ZFPM2: variants seen among roughly 807,000 people sequenced by gnomAD.
ZFPM2 encodes zinc finger protein ZFPM2.
In ZFPM2, 20 loss-of-function variants were observed where a neutral mutation model predicts 98.6. That is an observed-to-expected ratio of 0.20 (90% CI 0.14 to 0.29). The LOEUF is 0.29. Ranked by LOEUF, ZFPM2 falls within the 10% of genes least tolerant of loss-of-function variation. The pLI is 1.00. For synonymous variants in ZFPM2, 518 were observed against 502.7 expected (o/e 1.03, Z -0.41); for missense variants, 1,310 against 1,388.6 (o/e 0.94, Z 0.90).
intron 5 of ZFPM2, among the ~76,000 whole-genome samples, chr8:105,636,161 T>C (rs1330806011): frequency 6.6e-6 from 1 of 152,142 alleles, no homozygotes; most frequent in Non-Finnish European, 1.5e-5. Context: ...AGGTTTTGGA[T>C]TTTGGAACCA....
chr8:105,682,626 G>A (rs1810634067), intron 5 of ZFPM2, among the ~76,000 whole-genome samples: 1 of 152,124 alleles, frequency 6.6e-6, no homozygotes, highest in Non-Finnish European at 1.5e-5. Context: ...CAGGACAGAA[G>A]AACGGAAATA....
intron 6 of ZFPM2, chr8:105,795,751 C>T: frequency 2.2e-6 from 1 of 450,948 alleles, no homozygotes. Flanking sequence ...ATTTTTGTGT[C>T]ACAGAATGAC....
chr8:105,773,630 A>G (rs1322098779), intron 5 of ZFPM2, among the ~76,000 whole-genome samples: 1 of 151,558 alleles, frequency 6.6e-6, no homozygotes, highest in Admixed American at 6.6e-5. Context: ...CTAAATCATG[A>G]CATGAAAATA....
chr8:105,736,312 AT>A (rs1812072376), intron 5 of ZFPM2, among the ~76,000 whole-genome samples: 1 of 151,972 alleles, frequency 6.6e-6, no homozygotes, highest in African/African-American at 2.4e-5. Flanking sequence ...CTGTTTAGAC[AT>A]TTAGAAATAT....
chr8:105,487,507 T>A (rs987591841), intron 3 of ZFPM2, among the ~76,000 whole-genome samples: 6 of 152,220 alleles, frequency 3.9e-5, no homozygotes, highest in African/African-American at 1.4e-4. Flanking sequence ...AGAACACGAT[T>A]TACAGAATCA....
chr8:105,433,631 C>CA (rs1193220112), intron 2 of ZFPM2, among the ~76,000 whole-genome samples: 1 of 151,908 alleles, frequency 6.6e-6, no homozygotes, highest in Non-Finnish European at 1.5e-5. Context: ...ACTAAAAATA[C>CA]AAAAAATTAG....
At chr8:105,600,713 A>T (rs1283365193) in intron 4 of ZFPM2, among the ~76,000 whole-genome samples, 1 of 151,962 alleles carries the variant, frequency 6.6e-6, no homozygotes, top group Non-Finnish European at 1.5e-5. Context: ...TCATATGATG[A>T]TTATATTATT....
chr8:105,443,312 C>CAAAAAAAAAAAAAAAAAAAAAAAAAAAA (rs1491232192), intron 2 of ZFPM2, among the ~76,000 whole-genome samples: 1 of 115,364 alleles, frequency 8.7e-6, no homozygotes, highest in African/African-American at 4.1e-5. Flanking sequence ...GACTCCTTCT[C>CAAAAAAAAAAAAAAAAAAAAAAAAAAAA]AAAAAACAAA....
chr8:105,369,521 G>T (rs1810577320), intron 1 of ZFPM2, among the ~76,000 whole-genome samples: 1 of 152,184 alleles, frequency 6.6e-6, no homozygotes, highest in Middle Eastern at 3.4e-3. Context: ...CATATGGACA[G>T]AGTTAGTTAC....
intron 1 of ZFPM2, among the ~76,000 whole-genome samples, chr8:105,328,445 G>A (rs1399875702): frequency 6.6e-6 from 1 of 151,766 alleles, no homozygotes. Context: ...TTGCTTTTGT[G>A]TAGAAATTAT....
chr8:105,531,631 G>C (rs1027343970), intron 3 of ZFPM2, among the ~76,000 whole-genome samples: 1 of 152,098 alleles, frequency 6.6e-6, no homozygotes, highest in African/African-American at 2.4e-5. Context: ...TTTTGGCAGT[G>C]GTGGTACAAT....
At chr8:105,333,941 T>C (rs1302946078) in intron 1 of ZFPM2, among the ~76,000 whole-genome samples, 1 of 151,772 alleles carries the variant, frequency 6.6e-6, no homozygotes, top group Non-Finnish European at 1.5e-5. Context: ...TGAGAGTTTA[T>C]GGTAGCACAT....
At chr8:105,615,070 T>A (rs998231942) in intron 4 of ZFPM2, among the ~76,000 whole-genome samples, 2 of 152,094 alleles carry the variant, frequency 1.3e-5, no homozygotes, top group African/African-American at 4.8e-5. Flanking sequence ...TCTTGTATGG[T>A]ATGCCCTTAT....
At chr8:105,528,819 G>A (rs1171420416) in intron 3 of ZFPM2, 1 of 152,014 alleles carries the variant, frequency 6.6e-6, no homozygotes, top group Non-Finnish European at 1.5e-5. Flanking sequence ...TTTTATGTAT[G>A]GGCACAATAC....
chr8:105,793,447 A>T (rs1486081535), intron 6 of ZFPM2, among the ~76,000 whole-genome samples: 1 of 152,260 alleles, frequency 6.6e-6, no homozygotes. Flanking sequence ...GTTTCTGCCG[A>T]GAGATCCGCT....
At chr8:105,799,942 T>G (rs1035819024) in intron 7 of ZFPM2, among the ~76,000 whole-genome samples, 1 of 152,188 alleles carries the variant, frequency 6.6e-6, no homozygotes, top group African/African-American at 2.4e-5. Flanking sequence ...GTAGGTCATT[T>G]CCTTTCTGCT....
intron 3 of ZFPM2, among the ~76,000 whole-genome samples, chr8:105,464,739 A>C (rs1298825213): frequency 6.6e-6 from 1 of 151,776 alleles, no homozygotes; most frequent in Non-Finnish European, 1.5e-5. Flanking sequence ...AGCTGTTAAC[A>C]TGAAGTATCT....
chr8:105,411,784 A>G (rs1811582851), intron 1 of ZFPM2, among the ~76,000 whole-genome samples: 1 of 151,846 alleles, frequency 6.6e-6, no homozygotes. Context: ...GGGTCAATGC[A>G]CAAGGCATGT....
chr8:105,487,654 GC>G (rs1004756495), intron 3 of ZFPM2, among the ~76,000 whole-genome samples: 8 of 151,860 alleles, frequency 5.3e-5, no homozygotes, highest in Non-Finnish European at 1.0e-4. Context: ...CAGATGGAGG[GC>G]CAGATATTAC....
Sources: allele counts gnomAD v4.1 joint callset (sites outside exome capture counted in the v4.1 genomes callset), GRCh38; gene constraint gnomAD v4.1.1; transcripts MANE v1.5; gene names NCBI Gene and HGNC (gene_info 2026-07-23, HGNC 2026-07-21).